TRABD: variants seen among roughly 807,000 people sequenced by gnomAD.
TRABD encodes TraB domain containing.
Under a neutral mutation model 39.6 loss-of-function variants are expected in TRABD, and 23 were observed. The ratio of observed to expected loss-of-function variants is 0.58; its 90% CI spans 0.42 to 0.82. The LOEUF is 0.82. TRABD is among the 40% of genes least tolerant of loss of function. The probability of loss-of-function intolerance (pLI) is 0.00; values close to 1 mark genes in which losing one functional copy is unlikely to be tolerated. For missense variants in TRABD, 487 were observed against 544.9 expected, an observed-to-expected ratio of 0.89 and a Z score of 1.06; for synonymous variants, 243 against 232.1, an observed-to-expected ratio of 1.05 and a Z score of -0.43.
chr22:50,193,806 G>A (rs1186747996), intron 3 of TRABD, 152 bp downstream of exon 3: 2 of 708,784 alleles, frequency 2.8e-6, no homozygotes, highest in African/African-American at 3.6e-5. Flanking sequence ...TAGGCCTGGT[G>A]CCACCCAACA....
At chr22:50,188,979 A>C (rs899294812) in intron 1 of TRABD, among the ~76,000 whole-genome samples, 1 of 152,258 alleles carries the variant, frequency 6.6e-6, no homozygotes, top group Non-Finnish European at 1.5e-5. Context: ...TCGTCTGCAC[A>C]GAGGATCATG....
Position 50,194,421 on chromosome 22 carries a change from C to A in TRABD, c.194C>A (p.Thr65Asn), listed in dbSNP as rs773505359. The change falls in exon 4 of 10, where the codon ACC becomes AAC. Residue 65 changes from threonine to asparagine, a missense_variant. Physicochemically the swap from Thr to Asn is moderately conservative, Grantham distance 65 (BLOSUM62 0). Around this residue, in one of 3 missense-constraint regions of TRABD, gnomAD observed 358 missense variants for 414.7 expected, o/e 0.86. Transcript: ENST00000380909. ...RQRPNLPRTV[T>N]QLVAEDGSRV... is the part of the protein sequence containing the mutation. The stretch of plus-strand genomic sequence containing the variant: ...CGGCCCAACCTGCCGCGCACTGTGA[C>A]CCAGTTGGTGGCTGAGGACGGGAGC... 9.9e-6 allele frequency: 16 copies of A among 1,612,782 alleles called. No individual in the cohort carries two copies. Among genetic ancestry groups the A allele is most frequent in the Non-Finnish European group, 1.3e-5 (15 of 1,179,756 alleles).
At position 50,199,543 on chromosome 22, in the gene TRABD, C is replaced by T. The variant is rs145334530; in HGVS notation, c.*1024C>T. On this transcript the variant is annotated 3_prime_UTR_variant, in exon 10 of 10. Coordinates refer to ENST00000380909, the MANE Select transcript of TRABD (RefSeq NM_001320485.2). The stretch of plus-strand genomic sequence containing the variant: ...TCAGGAGCCGGCTGTGTCCTTCCTG[C>T]CACACTCGGGGATTCATTCCTTAGA... 775 of 169,538 alleles carry T rather than the reference C, an allele frequency of 4.6e-3. 6 individuals carry two copies. The highest frequency in any genetic ancestry group is 0.017 in the African/African-American group (734 of 42,300). 10.5% of individuals were successfully genotyped at this position (169,538 alleles called of 1,614,324 possible).
At chr22:50,195,821 C>T (rs562204665) in intron 5 of TRABD, among the ~76,000 whole-genome samples, 65 of 152,186 alleles carry the variant, frequency 4.3e-4, no homozygotes, top group Non-Finnish European at 7.9e-4. Flanking sequence ...GGTCAGTTTG[C>T]CTTCCCCCTG....
chr22:50,199,331 A>G lies in TRABD; in HGVS notation c.*812A>G. The G allele has an allele frequency of 5.6e-6, 3 of 537,152 alleles. No homozygotes were observed. The South Asian group carries it at 6.3e-5, about 11-fold the overall frequency. 33.3% of individuals were successfully genotyped at this position (537,152 alleles called of 1,614,324 possible). ...CTCTGGGCAGACAATGTGTGCACCT[A>G]TGTGGAAGGCCAAGGACATGGGCTG... On this transcript the variant is annotated 3_prime_UTR_variant, in exon 10 of 10. Transcript: ENST00000380909.
At position 50,193,584 on chromosome 22, in the gene TRABD, G is replaced by A. The variant is rs368487392; in HGVS notation, c.42G>A (p.Val14=). 3.7e-5 allele frequency: 59 copies of A among 1,613,692 alleles called. No individual in the cohort carries two copies. The highest frequency in any genetic ancestry group is 5.0e-5 in the Admixed American group (3 of 59,990). ...CTCCTTTCCACCTGCAGGCCAACGT[G>A]GAACCTGTTGTGCCGTCAGAGGCTT... ...EEQQPPHEAN[V]EPVVPSEASE... The change falls in exon 3 of 10, where the codon GTG becomes GTA. Residue 14 remains valine, a synonymous_variant. Coordinates refer to ENST00000380909, the MANE Select transcript of TRABD (RefSeq NM_001320485.2).
Position 50,193,628 on chromosome 22 carries a change from T to G in TRABD, c.86T>G (p.Val29Gly). Residue 29 changes from valine (V) to glycine (G), a missense_variant, in exon 3 of 10, where the codon GTG (valine) becomes GGG (glycine). Transcript: ENST00000380909. The part of the protein sequence containing the change: ...PSEASEPVPR[V>G]LSGDPQNLSD... ...GAGGCTTCAGAGCCGGTGCCCAGGG[T>G]GCTTTCTGGAGACCCCCAGAACCTG... 6.2e-7 allele frequency: 1 copy of G among 1,613,592 alleles called. No homozygotes were observed.
chr22:50,194,854 G>A lies in TRABD; in HGVS notation c.280-46G>A, dbSNP rs1195329591. 2.5e-6 allele frequency: 4 copies of A among 1,592,422 alleles called. No individual in the cohort carries two copies. In the African/African-American group the frequency reaches 4.0e-5, roughly 16 times the overall value. ...GTGCTGGCGTCAGCTGTGCTGAGGG[G>A]CAGGGAGCGGCTGTGTTCTCGAGGT... On this transcript the variant is annotated intron_variant, in intron 4 of 9. Transcript: ENST00000380909.
chr22:50,189,628 C>T (rs1056534471), intron 1 of TRABD, among the ~76,000 whole-genome samples: 4 of 152,264 alleles, frequency 2.6e-5, no homozygotes, highest in Non-Finnish European at 5.9e-5. Flanking sequence ...GTCTGCTGGT[C>T]TCTGCTGATG....
chr22:50,190,181 C>T (rs988512123), intron 1 of TRABD, among the ~76,000 whole-genome samples: 9 of 152,216 alleles, frequency 5.9e-5, no homozygotes, highest in East Asian at 1.9e-4. Flanking sequence ...GTGACCTTCC[C>T]GCCTGGCTCC....
intron 3 of TRABD, among the ~76,000 whole-genome samples, chr22:50,194,111 C>T (rs1384784743): frequency 1.3e-5 from 2 of 152,206 alleles, no homozygotes; most frequent in Non-Finnish European, 2.9e-5. Flanking sequence ...GGGCACAGGA[C>T]TCCTGAGGCC....
chr22:50,197,285 G>C lies in TRABD; in HGVS notation c.465G>C (p.Val155=), dbSNP rs201517154. Residue 155 remains valine, a synonymous_variant, in exon 6 of 10, where the codon GTG becomes GTC. Transcript: ENST00000380909. The part of the protein sequence containing the change: ...SGLMQMLLLK[V]SAHITEQLGM... ...TGATGCAGATGCTGCTGCTGAAGGT[G>C]TCTGCACACATCACCGAGCAGCTGG... 1.2e-6 allele frequency: 2 copies of C among 1,613,770 alleles called. No individual in the cohort carries two copies. Among genetic ancestry groups the C allele is most frequent in the East Asian group, 2.2e-5 (1 of 44,880 alleles).
In TRABD at chr22:50,198,964, A is replaced by C; in HGVS notation, c.*445A>C. The stretch of plus-strand genomic sequence containing the variant: ...GCTCCAGGGCAGGCGAGACTGGGAA[A>C]GGCCCAGCCCTGGAGCTCCAGCCGA... On this transcript the variant is annotated 3_prime_UTR_variant, in exon 10 of 10. Transcript: ENST00000380909. This position sits in a 1 kb window ranked among gnomAD's most constrained non-coding sequence, Gnocchi z 7.9. 1 of 604,998 alleles carries C rather than the reference A, an allele frequency of 1.7e-6. No individual in the cohort carries two copies. The highest frequency in any genetic ancestry group is 3.0e-6 in the Non-Finnish European group (1 of 331,020). The allele number at this position is 604,998 out of a possible 1,614,324, so 37.5% of individuals were successfully genotyped here.
At chr22:50,188,924 G>T (rs1011264430) in intron 1 of TRABD, among the ~76,000 whole-genome samples, 1 of 152,218 alleles carries the variant, frequency 6.6e-6, no homozygotes, top group African/African-American at 2.4e-5. Context: ...GGGCTTTTGC[G>T]CACAACAGAT....
chr22:50,194,528 A>G, intron 4 of TRABD, 22 bp downstream of exon 4: 1 of 1,563,132 alleles, frequency 6.4e-7, no homozygotes. Context: ...CACCCGCCAC[A>G]TCCCGGACAC....
At position 50,193,019 on chromosome 22, in the gene TRABD, C is replaced by T; in HGVS notation, c.-34-8C>T. 1 of 1,542,826 alleles carries T rather than the reference C, an allele frequency of 6.5e-7. No homozygotes were observed. Among genetic ancestry groups the T allele is most frequent in the Non-Finnish European group, 8.7e-7 (1 of 1,146,864 alleles). On this transcript the variant is annotated splice_region_variant and splice_polypyrimidine_tract_variant and intron_variant, in intron 1 of 9. Coordinates refer to ENST00000380909, the MANE Select transcript of TRABD (RefSeq NM_001320485.2). Reference sequence around the variant, plus strand: ...GGTGGAAACCCCGCCTCTCATGCCTCTCCTCAGGCTCCCCACAGGTGCAGG... The same window carrying T: ...GGTGGAAACCCCGCCTCTCATGCCTTTCCTCAGGCTCCCCACAGGTGCAGG...
chr22:50,186,121 G>C (rs1263947066), intron 1 of TRABD, 145 bp downstream of exon 1: 1 of 142,690 alleles, frequency 7.0e-6, no homozygotes, highest in Non-Finnish European at 1.6e-5. Flanking sequence ...GGGCGGGGGG[G>C]GTCAGGCCCG....
chr22:50,192,885 C>T (rs2063956384), intron 1 of TRABD, 142 bp from the exon 2 acceptor site: 3 of 619,138 alleles, frequency 4.8e-6, no homozygotes, highest in Non-Finnish European at 7.7e-6. Flanking sequence ...CTTTGATGGG[C>T]AGGAGGCATT....
intron 4 of TRABD, 113 bp downstream of exon 4, chr22:50,194,619 T>C: frequency 6.8e-7 from 1 of 1,465,846 alleles, no homozygotes; most frequent in Non-Finnish European, 9.2e-7. Flanking sequence ...ACCGCAGGCC[T>C]CCTGCTTCAA....
Sources: allele counts gnomAD v4.1 joint callset (sites outside exome capture counted in the v4.1 genomes callset), GRCh38; gene constraint gnomAD v4.1.1; regional missense constraint gnomAD v4.1.1; non-coding constraint Gnocchi (gnomAD v3.1); transcripts MANE v1.5; gene names NCBI Gene and HGNC (gene_info 2026-07-23, HGNC 2026-07-21).